Variants in ATP6V1H observed in about 807,000 individuals in gnomAD.
ATP6V1H encodes the protein ATPase H+ transporting V1 subunit H.
Under a neutral mutation model 71.7 loss-of-function variants are expected in ATP6V1H, and 39 were observed. The ratio of observed to expected loss-of-function variants is 0.54; its 90% CI spans 0.42 to 0.71. ATP6V1H has a LOEUF of 0.71. Among genes scored for constraint, ATP6V1H ranks in the 30% least tolerant of loss-of-function variants. The probability of loss-of-function intolerance (pLI) is 0.00; values close to 1 mark genes in which losing one functional copy is unlikely to be tolerated. For synonymous variants in ATP6V1H, 192 were observed against 199.3 expected (o/e 0.96, Z 0.31); for missense variants, 509 against 594.9 (o/e 0.86, Z 1.50).
intron 11 of ATP6V1H, among the ~76,000 whole-genome samples, chr8:53,769,237 T>C (rs1808568741): frequency 6.6e-6 from 1 of 152,126 alleles, no homozygotes; most frequent in Non-Finnish European, 1.5e-5. Flanking sequence ...GCACTAGCCA[T>C]ACAGGGAAAG....
Position 53,759,321 on chromosome 8 carries a change from C to T in ATP6V1H, c.1176-2665G>A, listed in dbSNP as rs78387955. Among the ~76,000 whole-genome samples the T allele has an allele frequency of 2.8e-3, 427 of 152,360 alleles. 2 individuals carry two copies. The highest frequency in any genetic ancestry group is 9.9e-3 in the African/African-American group (410 of 41,584). ...TGTAAACCTGCTGAGCATGCTATTT[C>T]TGTGTCAAATCGTCAATTAAAATGT... On this transcript the variant is annotated intron_variant, in intron 11 of 13. Transcript: ENST00000359530.
At chr8:53,723,613 A>AT (rs1806701625) in intron 13 of ATP6V1H, among the ~76,000 whole-genome samples, 1 of 152,216 alleles carries the variant, frequency 6.6e-6, no homozygotes, top group Non-Finnish European at 1.5e-5. Flanking sequence ...AACAGACTCC[A>AT]GCTGTCTGGT....
In ATP6V1H at chr8:53,829,608, GTC is replaced by G. The variant is rs547663983; in HGVS notation, c.217-77_217-76del. On this transcript the variant is annotated intron_variant, in intron 3 of 13. Coordinates refer to ENST00000359530, the MANE Select transcript of ATP6V1H (RefSeq NM_015941.4). ...TTCAATGGAACTTCAGTAAAACATTGTCTCTCTTTCATAAATTAGGATACAAA... is the reference window on the plus strand; with the variant it reads ...TTCAATGGAACTTCAGTAAAACATTGTCTCTTTCATAAATTAGGATACAAA... The G allele has an allele frequency of 7.6e-4, 677 of 886,014 alleles. 3 individuals are homozygous for G. The African/African-American group carries it at 0.01, about 13-fold the overall frequency. 54.9% of individuals were successfully genotyped at this position (886,014 alleles called of 1,614,324 possible).
At chr8:53,773,611 A>G (rs1808754884) in intron 9 of ATP6V1H, among the ~76,000 whole-genome samples, 2 of 152,238 alleles carry the variant, frequency 1.3e-5, no homozygotes, top group African/African-American at 4.8e-5. Context: ...GGGGAACCAG[A>G]AAAGTGAAGC....
intron 5 of ATP6V1H, among the ~76,000 whole-genome samples, chr8:53,817,011 G>C (rs890324739): frequency 6.6e-6 from 1 of 152,096 alleles, no homozygotes; most frequent in Non-Finnish European, 1.5e-5. Context: ...AACTGCATCA[G>C]AGCAACCCTA....
intron 13 of ATP6V1H, among the ~76,000 whole-genome samples, chr8:53,725,026 T>C (rs1010403047): frequency 6.6e-6 from 1 of 152,160 alleles, no homozygotes; most frequent in Non-Finnish European, 1.5e-5. Context: ...TTCCCAAATA[T>C]TGGAATTCTG....
chr8:53,736,652 T>C (rs1464001257), intron 13 of ATP6V1H, among the ~76,000 whole-genome samples: 1 of 149,862 alleles, frequency 6.7e-6, no homozygotes, highest in Non-Finnish European at 1.5e-5. Flanking sequence ...GCTTAGTTCA[T>C]CAGAAAACCT....
intron 2 of ATP6V1H, 102 bp downstream of exon 2, chr8:53,841,476 T>G (rs1811338610): frequency 2.3e-6 from 3 of 1,326,036 alleles, no homozygotes; most frequent in East Asian, 2.3e-5. Flanking sequence ...CTTCCACATT[T>G]TTCAGTATTT....
chr8:53,722,332 CTGGTTCCTGATCAGCAAG>C, intron 13 of ATP6V1H, among the ~76,000 whole-genome samples: 1 of 152,194 alleles, frequency 6.6e-6, no homozygotes. Context: ...CTTTTAAATG[CTGGTTCCTGATCAGCAAG>C]TGGTTATAAT....
At position 53,733,388 on chromosome 8, in the gene ATP6V1H, C is replaced by T. The variant is rs533813349; in HGVS notation, c.1391+10189G>A. Among the ~76,000 whole-genome samples the T allele has an allele frequency of 2.6e-5, 4 of 152,322 alleles. No homozygotes were observed. In the South Asian group the frequency reaches 6.2e-4, roughly 24 times the overall value. On this transcript the variant is annotated intron_variant, in intron 13 of 13. Transcript: ENST00000359530. ...TCTTCAGGGAGGCCCTGGCTCAAGA[C>T]CTGCAAAAGTTTCCCGCCAGAGACC...
At position 53,785,631 on chromosome 8, in the gene ATP6V1H, T is replaced by C. The variant is rs539469296; in HGVS notation, c.870+10016A>G. Among the ~76,000 whole-genome samples, 340 of 152,334 alleles carry C rather than the reference T, an allele frequency of 2.2e-3. 2 individuals carry two copies. Among genetic ancestry groups the C allele is most frequent in the African/African-American group, 7.9e-3 (328 of 41,582 alleles). ...GAGGTGCTCTGAGTTTTAGAGTTTC[T>C]GGTTTTTCTGCTCTGTTTTTTCCCC... is the stretch of plus-strand genomic sequence containing the variant. On this transcript the variant is annotated intron_variant, in intron 9 of 13. Transcript: ENST00000359530.
Position 53,756,547 on chromosome 8 carries a change from T to G in ATP6V1H, c.1277+8A>C, listed in dbSNP as rs762967002. The G allele has an allele frequency of 9.9e-6, 16 of 1,609,498 alleles. 1 individual carries two copies. Among genetic ancestry groups the G allele is most frequent in the Middle Eastern group, 1.7e-4 (1 of 6,044 alleles). The stretch of plus-strand genomic sequence containing the variant: ...AGAAACCAAATGAAATGAATGGCTT[T>G]CTCTTACCGTTTGCCTCGTGGATAA... On this transcript the variant is annotated splice_region_variant and intron_variant, in intron 12 of 13. Transcript: ENST00000359530.
At chr8:53,766,182 C>T (rs964773289) in intron 11 of ATP6V1H, among the ~76,000 whole-genome samples, 7 of 152,178 alleles carry the variant, frequency 4.6e-5, no homozygotes, top group Admixed American at 1.3e-4. Context: ...GGCAGAAGAA[C>T]GTGGATTGTG....
At chr8:53,758,992 G>A (rs981182488) in intron 11 of ATP6V1H, among the ~76,000 whole-genome samples, 1 of 152,178 alleles carries the variant, frequency 6.6e-6, no homozygotes, top group African/African-American at 2.4e-5. Context: ...TCTCCATATG[G>A]CTGAGACCCT....
chr8:53,827,896 G>A (rs1563484980), intron 4 of ATP6V1H, among the ~76,000 whole-genome samples: 1 of 152,066 alleles, frequency 6.6e-6, no homozygotes, highest in African/African-American at 2.4e-5. Context: ...GTTTACTAAG[G>A]ATAAAGACCT....
At chr8:53,749,720 G>A (rs537174614) in intron 12 of ATP6V1H, among the ~76,000 whole-genome samples, 1 of 151,214 alleles carries the variant, frequency 6.6e-6, no homozygotes, top group African/African-American at 2.4e-5. Flanking sequence ...ATATAGAAAG[G>A]TGGTTTAGAT....
chr8:53,726,464 A>G (rs1389642343), intron 13 of ATP6V1H, among the ~76,000 whole-genome samples: 1 of 152,166 alleles, frequency 6.6e-6, no homozygotes, highest in Non-Finnish European at 1.5e-5. Context: ...TTTGACAGAG[A>G]TTTCAACAAG....
At chr8:53,782,197 T>A (rs1330047543) in intron 9 of ATP6V1H, among the ~76,000 whole-genome samples, 4 of 152,138 alleles carry the variant, frequency 2.6e-5, no homozygotes, top group African/African-American at 9.7e-5. Flanking sequence ...TCCATTTGTT[T>A]GTATCCTCTT....
chr8:53,747,609 A>C (rs539221823), intron 12 of ATP6V1H, among the ~76,000 whole-genome samples: 2 of 150,068 alleles, frequency 1.3e-5, no homozygotes, highest in South Asian at 4.2e-4. Flanking sequence ...GCATGATCTC[A>C]GCACACTGCA....
Sources: allele counts gnomAD v4.1 joint callset (sites outside exome capture counted in the v4.1 genomes callset), GRCh38; gene constraint gnomAD v4.1.1; transcripts MANE v1.5; gene names NCBI Gene and HGNC (gene_info 2026-07-23, HGNC 2026-07-21).